CFAP20DC: variants seen among roughly 807,000 people sequenced by gnomAD.
CFAP20DC encodes the protein protein CFAP20DC.
Under a neutral mutation model 101.7 loss-of-function variants are expected in CFAP20DC, and 84 were observed. That is an observed-to-expected ratio of 0.83 (90% CI 0.69 to 0.99). The LOEUF (loss-of-function observed/expected upper bound fraction) is 0.99, where lower values mean the gene tolerates loss of function less well. CFAP20DC is among the 50% of genes least tolerant of loss of function. The probability of loss-of-function intolerance (pLI) is 0.00; values close to 1 mark genes in which losing one functional copy is unlikely to be tolerated. For synonymous variants in CFAP20DC, 359 were observed against 351.2 expected (o/e 1.02, Z -0.25); for missense variants, 1,007 against 970.3 (o/e 1.04, Z -0.50).
chr3:59,043,841 A>T (rs17060058), intron 3 of CFAP20DC, among the ~76,000 whole-genome samples: 1 of 152,000 alleles, frequency 6.6e-6, no homozygotes, highest in Non-Finnish European at 1.5e-5. Context: ...ATCAAGGCCA[A>T]CTGGTTACAA....
chr3:58,816,605 C>G (rs993220267), intron 14 of CFAP20DC, among the ~76,000 whole-genome samples: 3 of 150,656 alleles, frequency 2.0e-5, no homozygotes, highest in African/African-American at 5.0e-5. Context: ...CGGTGAACCA[C>G]GAGATTATAT....
At chr3:58,830,141 T>C (rs2076299109) in intron 14 of CFAP20DC, among the ~76,000 whole-genome samples, 1 of 152,174 alleles carries the variant, frequency 6.6e-6, no homozygotes. Flanking sequence ...TAGTTGTGTT[T>C]AATGAAAGCA....
chr3:59,025,592 C>T (rs2093879267), intron 4 of CFAP20DC, among the ~76,000 whole-genome samples: 1 of 152,064 alleles, frequency 6.6e-6, no homozygotes, highest in Non-Finnish European at 1.5e-5. Flanking sequence ...TAATATCAGC[C>T]CCATTGTACA....
chr3:58,941,874 G>T (rs1239027071), intron 4 of CFAP20DC, among the ~76,000 whole-genome samples: 2 of 152,068 alleles, frequency 1.3e-5, no homozygotes, highest in East Asian at 1.9e-4. Context: ...TCTTTTTCTT[G>T]CATTACCGCA....
chr3:59,024,151 A>C (rs1456983567), intron 4 of CFAP20DC, among the ~76,000 whole-genome samples: 1 of 150,596 alleles, frequency 6.6e-6, no homozygotes. Flanking sequence ...TCTGTCTCCC[A>C]AAAGAAGTAT....
chr3:58,866,828 C>A, intron 10 of CFAP20DC, 140 bp from the exon 11 acceptor site: 2 of 510,470 alleles, frequency 3.9e-6, no homozygotes, highest in Non-Finnish European at 6.7e-6. Context: ...GAATTACATG[C>A]AGTTTTTTTT....
At chr3:58,947,280 C>T (rs909556652) in intron 4 of CFAP20DC, among the ~76,000 whole-genome samples, 1 of 152,192 alleles carries the variant, frequency 6.6e-6, no homozygotes, top group Non-Finnish European at 1.5e-5. Flanking sequence ...GAGCGAACTT[C>T]CCTGGCAAAT....
intron 4 of CFAP20DC, among the ~76,000 whole-genome samples, chr3:58,992,924 T>C (rs1196892903): frequency 5.3e-5 from 8 of 151,920 alleles, no homozygotes; most frequent in Non-Finnish European, 1.0e-4. Context: ...ACATATATAA[T>C]TTACATTTTT....
chr3:58,987,025 G>A (rs953276373), intron 4 of CFAP20DC, among the ~76,000 whole-genome samples: 1 of 151,868 alleles, frequency 6.6e-6, no homozygotes, highest in Admixed American at 6.6e-5. Context: ...AGCCAAATAG[G>A]GTTCTAGAAA....
At chr3:58,751,431 T>G (rs17059802) in intron 16 of CFAP20DC, among the ~76,000 whole-genome samples, 12,614 of 152,114 alleles carry the variant, frequency 0.083, 892 homozygotes, top group East Asian at 0.35. Context: ...CATTCAGCTG[T>G]TCACTCCCTT....
rs1004474428 is a variant in CFAP20DC, at chr3:58,894,712, A to G, written c.551-10003T>C. On this transcript the variant is annotated intron_variant, in intron 6 of 16. Coordinates refer to ENST00000482387, the MANE Select transcript of CFAP20DC (RefSeq NM_001394063.1). The surrounding 1 kb of genome is among the most constrained non-coding windows in gnomAD (Gnocchi z 4.1). ...TTACAGCTCCACTAGATGGTGCCCC[A>G]GTAGGGAGTCTGTGTGGTGGCTCCA... 5.9e-5 allele frequency among the ~76,000 whole-genome samples: 9 copies of G among 152,268 alleles called. No homozygotes were observed. The highest frequency in any genetic ancestry group is 3.4e-3 in the Middle Eastern group (1 of 294).
Position 58,870,114 on chromosome 3 carries a change from A to T in CFAP20DC, c.852+59T>A, listed in dbSNP as rs1351177122. 21 of 1,388,474 alleles carry T rather than the reference A, an allele frequency of 1.5e-5. 2 individuals are homozygous for T. Among genetic ancestry groups the T allele is most frequent in the Non-Finnish European group, 2.0e-5 (20 of 992,794 alleles). 86.0% of individuals were successfully genotyped at this position (1,388,474 alleles called of 1,614,324 possible). ...CCCTCCCTCCCTCTACAAGGGGAAG[A>T]CACTCTTCCCTTACCAGGTCACTTG... On this transcript the variant is annotated intron_variant, in intron 8 of 16. Coordinates refer to ENST00000482387, the MANE Select transcript of CFAP20DC (RefSeq NM_001394063.1).
chr3:58,925,070 T>C (rs1414186452), intron 5 of CFAP20DC, among the ~76,000 whole-genome samples: 4 of 152,150 alleles, frequency 2.6e-5, no homozygotes, highest in Admixed American at 2.0e-4. Flanking sequence ...ATAATTGTTT[T>C]AAAGCCCTTG....
chr3:58,889,627 A>G (rs1236752520), intron 6 of CFAP20DC, among the ~76,000 whole-genome samples: 1 of 144,838 alleles, frequency 6.9e-6, no homozygotes, highest in African/African-American at 2.6e-5. Context: ...TCATGGGACA[A>G]TAGTGGAGGG....
intron 14 of CFAP20DC, among the ~76,000 whole-genome samples, chr3:58,824,240 G>T (rs2075884911): frequency 6.6e-6 from 1 of 152,120 alleles, no homozygotes; most frequent in Non-Finnish European, 1.5e-5. Flanking sequence ...TGAATCTGTA[G>T]ATCAGAACAA....
chr3:58,886,953 C>G (rs949753907), intron 6 of CFAP20DC, among the ~76,000 whole-genome samples: 1 of 152,058 alleles, frequency 6.6e-6, no homozygotes, highest in African/African-American at 2.4e-5. Flanking sequence ...AATCATCCCC[C>G]AAAAAACTTC....
At chr3:58,754,552 C>T (rs1011559507) in intron 15 of CFAP20DC, among the ~76,000 whole-genome samples, 1 of 152,160 alleles carries the variant, frequency 6.6e-6, no homozygotes, top group Non-Finnish European at 1.5e-5. Context: ...CTGAGCTTCA[C>T]TAGTGGTAAG....
intron 5 of CFAP20DC, among the ~76,000 whole-genome samples, chr3:58,931,982 A>T (rs1347054166): frequency 6.6e-6 from 1 of 152,240 alleles, no homozygotes; most frequent in Non-Finnish European, 1.5e-5. Context: ...TCCGAGCTAC[A>T]GGAGGAAATT....
chr3:58,984,227 T>C (rs1415389186), intron 4 of CFAP20DC, among the ~76,000 whole-genome samples: 1 of 152,238 alleles, frequency 6.6e-6, no homozygotes. Flanking sequence ...AGAGAACTTC[T>C]GCAGTAAATC....
Sources: gnomAD v4.1 joint callset for allele counts (sites outside exome capture counted in the v4.1 genomes callset) on GRCh38, gnomAD v4.1.1 for gene constraint, Gnocchi (gnomAD v3.1) non-coding constraint, MANE v1.5 for transcripts, NCBI Gene and HGNC (gene_info 2026-07-23, HGNC 2026-07-21) for gene names.